CHST11: variants seen among roughly 807,000 people sequenced by gnomAD.
The protein encoded by CHST11 is carbohydrate sulfotransferase 11.
CHST11 carries 9 observed loss-of-function variants against 30.4 expected under a neutral mutation model. The ratio of observed to expected loss-of-function variants is 0.30; its 90% CI spans 0.18 to 0.52. CHST11 has a LOEUF of 0.52. Among genes scored for constraint, CHST11 ranks in the 20% least tolerant of loss-of-function variants. CHST11 has a pLI of 0.97. For missense variants in CHST11, 348 were observed against 460.6 expected (o/e 0.76, Z 2.24); for synonymous variants, 152 against 187.8 (o/e 0.81, Z 1.56).
chr12:104,532,422 C>T (rs1333552837), intron 1 of CHST11, among the ~76,000 whole-genome samples: 2 of 151,884 alleles, frequency 1.3e-5, no homozygotes, highest in African/African-American at 4.8e-5. Context: ...CTGTAGGTTC[C>T]AAACTCAATT....
intron 2 of CHST11, among the ~76,000 whole-genome samples, chr12:104,704,897 G>T (rs1282093422): frequency 2.0e-5 from 3 of 152,118 alleles, no homozygotes; most frequent in Admixed American, 6.5e-5. Flanking sequence ...GCACTGAGAG[G>T]AGCGCACCCA....
chr12:104,731,852 T>A (rs2040260962), intron 2 of CHST11, among the ~76,000 whole-genome samples: 1 of 152,278 alleles, frequency 6.6e-6, no homozygotes, highest in Admixed American at 6.5e-5. Context: ...TCAAGGTGCA[T>A]TTGTTTACTA....
rs539356828 is a variant in CHST11 at position 104,480,718 on chromosome 12, A to T, written c.118+23189A>T. On this transcript the variant is annotated intron_variant, in intron 1 of 2. Coordinates refer to ENST00000303694, the MANE Select transcript of CHST11 (RefSeq NM_018413.6). ...GTGTGATAATGGAGGCAGAGACTGG[A>T]TTGATGCTGCCATGAGCCAAGGAAT... is the stretch of plus-strand genomic sequence containing the variant. Among the ~76,000 whole-genome samples, 7 of 152,296 alleles carry T rather than the reference A, an allele frequency of 4.6e-5. No homozygotes were observed. The South Asian group carries it at 1.5e-3, about 32-fold the overall frequency.
At chr12:104,682,413 T>G (rs924086217) in intron 2 of CHST11, among the ~76,000 whole-genome samples, 4 of 152,240 alleles carry the variant, frequency 2.6e-5, no homozygotes, top group African/African-American at 9.6e-5. Flanking sequence ...ATCAGTAATA[T>G]TCTATAAGCT....
chr12:104,649,582 G>C (rs542036985), intron 2 of CHST11, among the ~76,000 whole-genome samples: 1 of 152,286 alleles, frequency 6.6e-6, no homozygotes, highest in Non-Finnish European at 1.5e-5. Context: ...ACCTAAGGGG[G>C]AGTAGGCGAA....
chr12:104,665,812 C>CTTTTTTTTTT lies in CHST11; in HGVS notation c.204+63838_204+63847dup, dbSNP rs59199522. ...CCTTTCTCTTTCTCTCTCTCTGTCTCTTTTTTTTTTTTTTTTTTTTTTTTT... is the reference window on the plus strand; with the variant it reads ...CCTTTCTCTTTCTCTCTCTCTGTCTCTTTTTTTTTTTTTTTTTTTTTTTTTTTTTTTTTTT... On this transcript the variant is annotated intron_variant, in intron 2 of 2. Transcript: ENST00000303694. Among the ~76,000 whole-genome samples, 6 of 78,842 alleles carry CTTTTTTTTTT rather than the reference C, an allele frequency of 7.6e-5. 2 individuals are homozygous for CTTTTTTTTTT. Among genetic ancestry groups the CTTTTTTTTTT allele is most frequent in the African/African-American group, 1.7e-4 (3 of 18,094 alleles). The allele number at this position is 78,842 out of a possible 152,430, so 51.7% of individuals were successfully genotyped here. A position where few individuals can be genotyped will look rare whatever the true frequency, so the allele number is the denominator to read the frequency against.
chr12:104,675,058 T>C (rs536402830), intron 2 of CHST11, among the ~76,000 whole-genome samples: 1 of 152,238 alleles, frequency 6.6e-6, no homozygotes, highest in African/African-American at 2.4e-5. Flanking sequence ...ATTTTTACTA[T>C]ATTTACCTTG....
chr12:104,736,382 T>C (rs2040301345), intron 2 of CHST11, among the ~76,000 whole-genome samples: 1 of 152,092 alleles, frequency 6.6e-6, no homozygotes, highest in Non-Finnish European at 1.5e-5. Context: ...AGGGTGATGA[T>C]AAGAAAAAGA....
chr12:104,609,433 A>G (rs1228002065), intron 2 of CHST11, among the ~76,000 whole-genome samples: 1 of 152,242 alleles, frequency 6.6e-6, no homozygotes, highest in Non-Finnish European at 1.5e-5. Context: ...AAAACCACGG[A>G]CAGTGAACTA....
chr12:104,708,610 A>G (rs1266625778), intron 2 of CHST11, among the ~76,000 whole-genome samples: 1 of 152,154 alleles, frequency 6.6e-6, no homozygotes, highest in Non-Finnish European at 1.5e-5. Flanking sequence ...ATCTTCCTCC[A>G]GGTGCCCCCT....
chr12:104,663,068 T>C (rs1242115598), intron 2 of CHST11, among the ~76,000 whole-genome samples: 4 of 152,158 alleles, frequency 2.6e-5, no homozygotes, highest in Non-Finnish European at 5.9e-5. Flanking sequence ...CCTAGAAAAA[T>C]GGGGAGTGCC....
At chr12:104,552,129 A>C (rs2038411463) in intron 1 of CHST11, 1 of 152,204 alleles carries the variant, frequency 6.6e-6, no homozygotes, top group African/African-American at 2.4e-5. Context: ...TGCCTTTCTA[A>C]CAGGCTTTTG....
At chr12:104,565,612 C>G (rs2038557110) in intron 1 of CHST11, among the ~76,000 whole-genome samples, 1 of 152,026 alleles carries the variant, frequency 6.6e-6, no homozygotes, top group Non-Finnish European at 1.5e-5. Context: ...ACCCATGGCT[C>G]AGGAGGCCCC....
chr12:104,578,646 TA>T (rs2038708837), intron 1 of CHST11, among the ~76,000 whole-genome samples: 2 of 152,232 alleles, frequency 1.3e-5, no homozygotes, highest in Non-Finnish European at 1.5e-5. Context: ...TCCTGTCTGA[TA>T]CTATTTAGTC....
intron 2 of CHST11, among the ~76,000 whole-genome samples, chr12:104,705,968 C>A (rs777051401): frequency 9.9e-5 from 15 of 152,086 alleles, no homozygotes; most frequent in Non-Finnish European, 2.1e-4. Context: ...TGCATGTAGT[C>A]CCAGCTACTG....
Position 104,673,314 on chromosome 12 carries a change from A to T in CHST11, c.204+71323A>T, listed in dbSNP as rs535400077. 3.9e-5 allele frequency among the ~76,000 whole-genome samples: 6 copies of T among 152,188 alleles called. No individual in the cohort carries two copies. The South Asian group carries it at 6.2e-4, about 16-fold the overall frequency. On this transcript the variant is annotated intron_variant, in intron 2 of 2. Transcript: ENST00000303694. ...CTTTTGGGGAGGTACCATTCAGCCT[A>T]CTGTACCTGTTAATGGAATGGTTTG...
intron 2 of CHST11, among the ~76,000 whole-genome samples, chr12:104,714,367 G>T (rs1335101937): frequency 6.6e-6 from 1 of 152,114 alleles, no homozygotes; most frequent in East Asian, 1.9e-4. Context: ...AGCCTTACCT[G>T]CTAGTAGAGG....
At chr12:104,522,282 TGAG>T (rs2038081311) in intron 1 of CHST11, among the ~76,000 whole-genome samples, 1 of 152,220 alleles carries the variant, frequency 6.6e-6, no homozygotes, top group South Asian at 2.1e-4. Flanking sequence ...TATATCTCAC[TGAG>T]CCGTGTTATT....
At chr12:104,753,395 A>G (rs1398761805) in intron 2 of CHST11, among the ~76,000 whole-genome samples, 1 of 152,206 alleles carries the variant, frequency 6.6e-6, no homozygotes, top group Non-Finnish European at 1.5e-5. Flanking sequence ...CACAACGAGC[A>G]CTCACCCAGT....
Sources: allele counts gnomAD v4.1 joint callset (sites outside exome capture counted in the v4.1 genomes callset), GRCh38; gene constraint gnomAD v4.1.1; transcripts MANE v1.5; gene names NCBI Gene and HGNC (gene_info 2026-07-23, HGNC 2026-07-21).